Variants in MACROH2A2 observed in about 807,000 individuals in gnomAD.
The protein encoded by MACROH2A2 is core histone macro-H2A.2.
In MACROH2A2, 6 loss-of-function variants were observed where a neutral mutation model predicts 37.6. That is an observed-to-expected ratio of 0.16 (90% CI 0.09 to 0.32). MACROH2A2 has a LOEUF of 0.32. Among genes scored for constraint, MACROH2A2 ranks in the 10% least tolerant of loss-of-function variants. MACROH2A2 has a pLI of 1.00. For synonymous variants in MACROH2A2, 192 were observed against 202.7 expected (o/e 0.95, Z 0.45); for missense variants, 290 against 485.9 (o/e 0.60, Z 3.79).
chr10:70,055,610 A>C (rs1293532485), intron 1 of MACROH2A2, among the ~76,000 whole-genome samples: 1 of 152,246 alleles, frequency 6.6e-6, no homozygotes, highest in Non-Finnish European at 1.5e-5. Context: ...CCTAGGAGAT[A>C]AAATATACAT....
chr10:70,081,236 A>C (rs2072174786), intron 2 of MACROH2A2, among the ~76,000 whole-genome samples: 1 of 152,114 alleles, frequency 6.6e-6, no homozygotes, highest in African/African-American at 2.4e-5. Flanking sequence ...ACATAAAATA[A>C]TGCATGAAAA....
At position 70,057,999 on chromosome 10, in the gene MACROH2A2, C is replaced by T. The variant is rs926547546; in HGVS notation, c.-60+4999C>T. ...CCAAAGCCCTACATCCTTATGCCCA[C>T]GTGGTAAGAGCAAGGAGCTGGTAGC... On this transcript the variant is annotated intron_variant, in intron 1 of 8. Transcript: ENST00000373255. 3.1e-4 allele frequency among the ~76,000 whole-genome samples: 47 copies of T among 152,278 alleles called. No individual in the cohort carries two copies. The East Asian group carries it at 7.9e-3, about 26-fold the overall frequency.
rs747967452 is a variant in MACROH2A2 at position 70,091,961 on chromosome 10, C to T, written c.477+7C>T. 1.8e-5 allele frequency: 29 copies of T among 1,610,920 alleles called. No homozygotes were observed. Among genetic ancestry groups the T allele is most frequent in the East Asian group, 2.2e-5 (1 of 44,848 alleles). ...ACCACGGACGTCCAAAAAGGTAGGCCGAGGCTGCGTGTCCTGGGCCAGGCA... is the reference window on the plus strand; with the variant it reads ...ACCACGGACGTCCAAAAAGGTAGGCTGAGGCTGCGTGTCCTGGGCCAGGCA... On this transcript the variant is annotated splice_region_variant and intron_variant, in intron 4 of 8. Coordinates refer to ENST00000373255, the MANE Select transcript of MACROH2A2 (RefSeq NM_018649.3).
intron 3 of MACROH2A2, among the ~76,000 whole-genome samples, chr10:70,091,225 A>G (rs887037936): frequency 6.6e-6 from 1 of 152,164 alleles, no homozygotes; most frequent in Non-Finnish European, 1.5e-5. Flanking sequence ...TGTCCCTTCT[A>G]TTTTGCTTTA....
intron 4 of MACROH2A2, among the ~76,000 whole-genome samples, chr10:70,092,847 C>T (rs16927274): frequency 0.04 from 6,085 of 152,210 alleles, 150 homozygotes; most frequent in Non-Finnish European, 0.054. Flanking sequence ...GCAGGCATTC[C>T]CTGAGTTCCG....
At chr10:70,060,107 C>T (rs555495772) in intron 1 of MACROH2A2, among the ~76,000 whole-genome samples, 3 of 152,230 alleles carry the variant, frequency 2.0e-5, no homozygotes, top group African/African-American at 4.8e-5. Flanking sequence ...CGGTGGTTCA[C>T]GACTATAATC....
chr10:70,057,288 G>A (rs1564539191), intron 1 of MACROH2A2, among the ~76,000 whole-genome samples: 1 of 151,020 alleles, frequency 6.6e-6, no homozygotes, highest in Non-Finnish European at 1.5e-5. Flanking sequence ...CACAGGCCAT[G>A]GACAAGTCAT....
chr10:70,065,357 G>A (rs772920828), intron 1 of MACROH2A2, among the ~76,000 whole-genome samples: 69 of 152,184 alleles, frequency 4.5e-4, no homozygotes, highest in Non-Finnish European at 7.8e-4. Context: ...GATTATAAGC[G>A]TAAGCCACCG....
chr10:70,090,892 A>T (rs1332293031), intron 3 of MACROH2A2, among the ~76,000 whole-genome samples: 1 of 152,260 alleles, frequency 6.6e-6, no homozygotes, highest in Admixed American at 6.5e-5. Flanking sequence ...CTACCAGTTC[A>T]TGGGTGAGCC....
intron 1 of MACROH2A2, among the ~76,000 whole-genome samples, chr10:70,072,092 CCTTTTTAAA>C (rs1358638050): frequency 6.6e-6 from 1 of 151,984 alleles, no homozygotes. Context: ...AACTTTTTAA[CCTTTTTAAA>C]CTTTTTGACT....
At chr10:70,056,186 CATT>C (rs1297600685) in intron 1 of MACROH2A2, among the ~76,000 whole-genome samples, 1 of 152,188 alleles carries the variant, frequency 6.6e-6, no homozygotes, top group Non-Finnish European at 1.5e-5. Flanking sequence ...TTAGCCATAT[CATT>C]ATTGATACCC....
intron 1 of MACROH2A2, among the ~76,000 whole-genome samples, chr10:70,070,653 G>A (rs994030315): frequency 2.0e-5 from 3 of 152,030 alleles, no homozygotes; most frequent in East Asian, 1.9e-4. Flanking sequence ...CACCACGCCC[G>A]GCTAATATTC....
chr10:70,095,879 T>C (rs1016544950), intron 6 of MACROH2A2, 126 bp downstream of exon 6: 4 of 586,538 alleles, frequency 6.8e-6, no homozygotes, highest in Non-Finnish European at 9.3e-6. Flanking sequence ...TCTGTCTTTA[T>C]GTGTAGTTGA....
At chr10:70,081,068 CA>C (rs34688764) in intron 2 of MACROH2A2, among the ~76,000 whole-genome samples, 3,234 of 45,798 alleles carry the variant, frequency 0.071, 36 homozygotes, top group South Asian at 0.11. Flanking sequence ...CCCTGTCTCT[CA>C]AAAAAAAAAA....
At chr10:70,072,985 T>A (rs2072119227) in intron 1 of MACROH2A2, among the ~76,000 whole-genome samples, 1 of 151,970 alleles carries the variant, frequency 6.6e-6, no homozygotes, top group Admixed American at 6.6e-5. Flanking sequence ...CAAAAAGATG[T>A]CACTAGGGCA....
At chr10:70,067,731 C>T (rs1310874148) in intron 1 of MACROH2A2, among the ~76,000 whole-genome samples, 3 of 152,062 alleles carry the variant, frequency 2.0e-5, no homozygotes, top group East Asian at 1.9e-4. Flanking sequence ...AAGATTAGGG[C>T]GCTCATATCC....
At chr10:70,076,249 G>T (rs74139262) in intron 2 of MACROH2A2, among the ~76,000 whole-genome samples, 1 of 152,080 alleles carries the variant, frequency 6.6e-6, no homozygotes, top group Non-Finnish European at 1.5e-5. Context: ...AGTTTTCCTG[G>T]TATATTTAAA....
intron 2 of MACROH2A2, among the ~76,000 whole-genome samples, chr10:70,086,330 C>CT (rs1564544665): frequency 6.6e-6 from 1 of 150,930 alleles, no homozygotes; most frequent in Non-Finnish European, 1.5e-5. Flanking sequence ...TGCTTTTGCA[C>CT]TAGAACACAT....
intron 8 of MACROH2A2, among the ~76,000 whole-genome samples, 175 bp from the exon 9 acceptor site, chr10:70,111,343 G>A (rs1044012444): frequency 2.3e-4 from 35 of 152,076 alleles, no homozygotes; most frequent in Non-Finnish European, 4.4e-4. Flanking sequence ...TAAAGTGGGG[G>A]CAACATGCCC....
Sources: gnomAD v4.1 joint callset for allele counts (sites outside exome capture counted in the v4.1 genomes callset) on GRCh38, gnomAD v4.1.1 for gene constraint, MANE v1.5 for transcripts, NCBI Gene and HGNC (gene_info 2026-07-23, HGNC 2026-07-21) for gene names.